PTPRD: variants seen among roughly 807,000 people sequenced by gnomAD.
PTPRD encodes the protein receptor-type tyrosine-protein phosphatase delta.
In PTPRD, 34 loss-of-function variants were observed where a neutral mutation model predicts 214.5. That is an observed-to-expected ratio of 0.16 (90% CI 0.12 to 0.21). PTPRD has a LOEUF of 0.21. PTPRD is among the 10% of genes least tolerant of loss of function. The pLI, the probability that PTPRD is intolerant of heterozygous loss-of-function variation, is 1.00. For missense variants in PTPRD, 2,545 were observed against 2,398.7 expected (o/e 1.06, Z -1.27); for synonymous variants, 1,128 against 845.7 (o/e 1.33, Z -5.79).
Position 9,902,070 on chromosome 9 carries a change from G to T in PTPRD, c.-368+36437C>A, listed in dbSNP as rs376318190. 2.6e-5 allele frequency among the ~76,000 whole-genome samples: 4 copies of T among 152,098 alleles called. No homozygotes were observed. In the East Asian group the frequency reaches 5.8e-4, roughly 22 times the overall value. ...CTAATAGGTCTGGTAAATACCTATT[G>T]GCTGCTTCTACTCTTACCAACTTTT... On this transcript the variant is annotated intron_variant, in intron 5 of 45. Transcript: ENST00000381196.
chr9:9,703,286 A>G (rs1007299004), intron 7 of PTPRD, among the ~76,000 whole-genome samples: 1 of 152,188 alleles, frequency 6.6e-6, no homozygotes, highest in Non-Finnish European at 1.5e-5. Flanking sequence ...TGAGTCAATT[A>G]AACTCTTTCC....
intron 10 of PTPRD, among the ~76,000 whole-genome samples, chr9:9,175,641 A>AAAAC (rs1554913854): frequency 0.022 from 3,029 of 140,380 alleles, 104 homozygotes; most frequent in Non-Finnish European, 0.033. Flanking sequence ...AAAAAAAAAA[A>AAAAC]AAAAAAAAAG....
intron 9 of PTPRD, among the ~76,000 whole-genome samples, chr9:9,199,048 C>G (rs2099940341): frequency 6.6e-6 from 1 of 152,052 alleles, no homozygotes; most frequent in Non-Finnish European, 1.5e-5. Context: ...GGCAGCAGGT[C>G]AAGTGTTATC....
intron 8 of PTPRD, among the ~76,000 whole-genome samples, chr9:9,559,376 C>T (rs2082325973): frequency 6.6e-6 from 1 of 152,256 alleles, no homozygotes; most frequent in Non-Finnish European, 1.5e-5. Context: ...ACTTAGCTCC[C>T]TCCCGCAGCT....
intron 2 of PTPRD, among the ~76,000 whole-genome samples, chr9:10,396,691 A>T (rs1420509115): frequency 1.3e-5 from 2 of 152,008 alleles, no homozygotes; most frequent in Non-Finnish European, 2.9e-5. Flanking sequence ...AAATAACTGC[A>T]GATTTCATTT....
intron 7 of PTPRD, among the ~76,000 whole-genome samples, chr9:9,656,624 G>T (rs555266732): frequency 2.2e-4 from 34 of 152,266 alleles, no homozygotes; most frequent in African/African-American, 7.9e-4. Context: ...AGGGAGCAGT[G>T]CAGAGGAATA....
At chr9:9,357,422 G>T (rs546345032) in intron 9 of PTPRD, among the ~76,000 whole-genome samples, 1 of 150,208 alleles carries the variant, frequency 6.7e-6, no homozygotes, top group Admixed American at 6.6e-5. Flanking sequence ...TTGTCACATG[G>T]AGGATGATCT....
intron 9 of PTPRD, among the ~76,000 whole-genome samples, chr9:9,208,862 C>G (rs765613578): frequency 6.6e-6 from 1 of 151,216 alleles, no homozygotes. Context: ...AGCTGGAGTA[C>G]AGTGGCGCGA....
At chr9:9,989,037 A>AAAAAAAAAAAAAAAC (rs1555436290) in intron 4 of PTPRD, among the ~76,000 whole-genome samples, 1 of 121,364 alleles carries the variant, frequency 8.2e-6, no homozygotes, top group African/African-American at 2.6e-5. Flanking sequence ...AAAAAAAAAA[A>AAAAAAAAAAAAAAAC]AAAAAAAACC....
chr9:9,625,994 C>T (rs764575849), intron 7 of PTPRD, among the ~76,000 whole-genome samples: 3 of 151,928 alleles, frequency 2.0e-5, no homozygotes, highest in Non-Finnish European at 4.4e-5. Context: ...GCCTTTGTAG[C>T]ACAAAAAAAC....
intron 12 of PTPRD, among the ~76,000 whole-genome samples, chr9:8,730,604 C>T (rs1443998249): frequency 3.3e-5 from 5 of 152,176 alleles, no homozygotes; most frequent in East Asian, 3.8e-4. Context: ...TCTTGGTCTG[C>T]ATTTAGTTTT....
chr9:9,121,088 C>T (rs2099817164), intron 10 of PTPRD, among the ~76,000 whole-genome samples: 2 of 152,134 alleles, frequency 1.3e-5, no homozygotes. Context: ...ATTTTCAGTT[C>T]AAATACTTAT....
intron 12 of PTPRD, among the ~76,000 whole-genome samples, chr9:8,689,309 T>C (rs971857725): frequency 6.6e-6 from 1 of 152,230 alleles, no homozygotes; most frequent in Non-Finnish European, 1.5e-5. Flanking sequence ...TTTCCCTCTG[T>C]ACTAATTAGT....
At chr9:8,486,624 C>T (rs1041829551) in intron 27 of PTPRD, among the ~76,000 whole-genome samples, 3 of 152,056 alleles carry the variant, frequency 2.0e-5, no homozygotes, top group African/African-American at 4.8e-5. Flanking sequence ...GACACCTGCA[C>T]GTTTTAAACC....
chr9:8,421,060 C>T (rs1421034793), intron 35 of PTPRD, among the ~76,000 whole-genome samples: 1 of 152,046 alleles, frequency 6.6e-6, no homozygotes, highest in Non-Finnish European at 1.5e-5. Context: ...TGCTGTTCCT[C>T]CGTCTCCAAA....
chr9:9,563,971 G>A (rs1276721833), intron 8 of PTPRD, among the ~76,000 whole-genome samples: 3 of 152,108 alleles, frequency 2.0e-5, no homozygotes, highest in Non-Finnish European at 4.4e-5. Flanking sequence ...TAAAGAGGAA[G>A]TAAAAGACAT....
Position 8,898,221 on chromosome 9 carries a change from G to T in PTPRD, c.-104+120476C>A, listed in dbSNP as rs1186156097. Among the ~76,000 whole-genome samples the T allele has an allele frequency of 2.0e-5, 3 of 151,492 alleles. No homozygotes were observed. In the East Asian group the frequency reaches 5.8e-4, roughly 29 times the overall value. ...TATTCTCTTTTATATAAGGATGTGT[G>T]CCTCTCAGTGGCATTATCAACTCTG... is the stretch of plus-strand genomic sequence containing the variant. On this transcript the variant is annotated intron_variant, in intron 11 of 45. Coordinates refer to ENST00000381196, the MANE Select transcript of PTPRD (RefSeq NM_002839.4).
intron 14 of PTPRD, among the ~76,000 whole-genome samples, chr9:8,605,179 G>T (rs1346135823): frequency 2.0e-5 from 3 of 152,116 alleles, no homozygotes; most frequent in African/African-American, 7.2e-5. Flanking sequence ...AACATAATAT[G>T]CCTCAGCAGA....
At chr9:8,976,443 G>C (rs976685733) in intron 11 of PTPRD, among the ~76,000 whole-genome samples, 1 of 152,024 alleles carries the variant, frequency 6.6e-6, no homozygotes, top group Non-Finnish European at 1.5e-5. Context: ...GATTATCTGA[G>C]TGATAATAAT....
Sources: gnomAD v4.1 joint callset for allele counts (sites outside exome capture counted in the v4.1 genomes callset) on GRCh38, gnomAD v4.1.1 for gene constraint, MANE v1.5 for transcripts, NCBI Gene and HGNC (gene_info 2026-07-23, HGNC 2026-07-21) for gene names.